AVL9: variants seen among roughly 807,000 people sequenced by gnomAD.
The protein encoded by AVL9 is late secretory pathway protein AVL9 homolog.
Under a neutral mutation model 79.2 loss-of-function variants are expected in AVL9, and 49 were observed. That is an observed-to-expected ratio of 0.62 (90% CI 0.49 to 0.79). The LOEUF (loss-of-function observed/expected upper bound fraction) is 0.79. Among genes scored for constraint, AVL9 ranks in the 30% least tolerant of loss-of-function variants. The probability of loss-of-function intolerance (pLI) is 0.00; values close to 1 mark genes in which losing one functional copy is unlikely to be tolerated. For synonymous variants in AVL9, 299 were observed against 280.6 expected, an observed-to-expected ratio of 1.07 and a Z score of -0.65; for missense variants, 682 against 776.8, an observed-to-expected ratio of 0.88 and a Z score of 1.45.
At chr7:32,579,793 T>C (rs1469227618) in intron 13 of AVL9, among the ~76,000 whole-genome samples, 1 of 149,128 alleles carries the variant, frequency 6.7e-6, no homozygotes, top group Non-Finnish European at 1.5e-5. Flanking sequence ...GCATAACCAA[T>C]AGCACACATT....
chr7:32,546,091 T>C (rs2128135566), intron 3 of AVL9, among the ~76,000 whole-genome samples: 1 of 121,028 alleles, frequency 8.3e-6, no homozygotes, highest in East Asian at 2.7e-4. Context: ...TTTAAATATC[T>C]GTACCTAGCT....
intron 1 of AVL9, among the ~76,000 whole-genome samples, chr7:32,540,871 C>CTTTTTT (rs749306635): frequency 1.1e-4 from 8 of 72,470 alleles, no homozygotes; most frequent in South Asian, 4.4e-4. Flanking sequence ...TGTTGTACTA[C>CTTTTTT]TTTTTTTTTT....
intron 13 of AVL9, among the ~76,000 whole-genome samples, chr7:32,578,068 T>C (rs1791180075): frequency 6.6e-6 from 1 of 152,052 alleles, no homozygotes; most frequent in Non-Finnish European, 1.5e-5. Flanking sequence ...CATCTTCAGG[T>C]TACAGAAAGA....
intron 1 of AVL9, among the ~76,000 whole-genome samples, chr7:32,527,042 A>AGGGC (rs202111922): frequency 0.012 from 1,848 of 152,266 alleles, 42 homozygotes; most frequent in African/African-American, 0.04. Flanking sequence ...AGGGCCAAGG[A>AGGGC]CTATCACAGG....
At chr7:32,558,666 A>G (rs1442138897) in intron 9 of AVL9, 38 bp downstream of exon 9, 1 of 1,495,792 alleles carries the variant, frequency 6.7e-7, no homozygotes, top group Non-Finnish European at 9.2e-7. Context: ...CTTTTGTTTA[A>G]CTTGTACTGG....
chr7:32,522,640 G>A (rs903251858), intron 1 of AVL9, among the ~76,000 whole-genome samples: 1 of 152,148 alleles, frequency 6.6e-6, no homozygotes, highest in Non-Finnish European at 1.5e-5. Context: ...TTAGGTTAAT[G>A]CTGAAATGAG....
At chr7:32,570,833 C>T (rs1214261599) in intron 11 of AVL9, among the ~76,000 whole-genome samples, 1 of 149,156 alleles carries the variant, frequency 6.7e-6, no homozygotes, top group East Asian at 2.1e-4. Flanking sequence ...GTTGGCCAGG[C>T]TGGTCTCGAA....
At chr7:32,517,406 A>G (rs1787951301) in intron 1 of AVL9, among the ~76,000 whole-genome samples, 1 of 151,714 alleles carries the variant, frequency 6.6e-6, no homozygotes, top group Admixed American at 6.6e-5. Flanking sequence ...CCTGAGTTCA[A>G]GCGATTCTCC....
At chr7:32,565,298 G>A (rs1413816321) in intron 10 of AVL9, among the ~76,000 whole-genome samples, 3 of 152,160 alleles carry the variant, frequency 2.0e-5, no homozygotes, top group Non-Finnish European at 2.9e-5. Context: ...GGTGGCTCAC[G>A]CCTGTAATCC....
chr7:32,575,685 G>A (rs1236678115), intron 12 of AVL9, among the ~76,000 whole-genome samples: 1 of 152,120 alleles, frequency 6.6e-6, no homozygotes, highest in East Asian at 1.9e-4. Context: ...GGAGTTGTAA[G>A]GAACCTTGGA....
chr7:32,546,083 T>TTTTTTTTTTTTA lies in AVL9; in HGVS notation c.300+1304_300+1305insTTTTTTTTTTTA, dbSNP rs1554340432. Among the ~76,000 whole-genome samples, 599 of 144,776 alleles carry TTTTTTTTTTTTA rather than the reference T, an allele frequency of 4.1e-3. 9 individuals carry two copies. The highest frequency in any genetic ancestry group is 0.014 in the African/African-American group (551 of 39,332). 95.0% of individuals were successfully genotyped at this position (144,776 alleles called of 152,430 possible). ...TTACCTGGAGACTTTTTTTTTTTTT[T>TTTTTTTTTTTTA]AAATATCTGTACCTAGCTTTTCCTC... On this transcript the variant is annotated intron_variant, in intron 3 of 15. Transcript: ENST00000318709.
At position 32,585,697 on chromosome 7, in the gene AVL9, C is replaced by G. The variant is rs1237362423; in HGVS notation, c.*1790C>G. ...CTCTAAATTTTCCACTTTGTGTTTT[C>G]TAAACACAAATTGTATTACTCATTT... On this transcript the variant is annotated 3_prime_UTR_variant, in exon 16 of 16. Coordinates refer to ENST00000318709, the MANE Select transcript of AVL9 (RefSeq NM_015060.3). 2 of 152,088 alleles carry G rather than the reference C, an allele frequency of 1.3e-5. No homozygotes were observed. The highest frequency in any genetic ancestry group is 2.9e-5 in the Non-Finnish European group (2 of 67,986). 9.4% of individuals were successfully genotyped at this position (152,088 alleles called of 1,614,324 possible).
intron 1 of AVL9, chr7:32,538,366 A>T (rs1789012360): frequency 6.6e-6 from 1 of 152,196 alleles, no homozygotes; most frequent in African/African-American, 2.4e-5. Context: ...ATATCCATTT[A>T]AAAATAATTA....
intron 15 of AVL9, among the ~76,000 whole-genome samples, chr7:32,582,880 T>C (rs1355090610): frequency 1.3e-5 from 2 of 152,144 alleles, no homozygotes; most frequent in African/African-American, 4.8e-5. Context: ...AAAGAGGGTT[T>C]CGCCATGTTT....
intron 1 of AVL9, among the ~76,000 whole-genome samples, chr7:32,510,859 T>C (rs1787638437): frequency 7.5e-6 from 1 of 133,062 alleles, no homozygotes; most frequent in Non-Finnish European, 1.6e-5. Flanking sequence ...TCATGAGCCA[T>C]CAGGTCTCGT....
At chr7:32,530,432 G>T (rs1332070569) in intron 1 of AVL9, among the ~76,000 whole-genome samples, 1 of 152,256 alleles carries the variant, frequency 6.6e-6, no homozygotes, top group African/African-American at 2.4e-5. Context: ...GGGCATTTCT[G>T]ATTTTCTAAG....
At chr7:32,519,421 C>G (rs1315519587) in intron 1 of AVL9, among the ~76,000 whole-genome samples, 1 of 140,340 alleles carries the variant, frequency 7.1e-6, no homozygotes, top group East Asian at 2.0e-4. Context: ...GAGCGAGACT[C>G]TGTCCCAAAA....
In AVL9 at chr7:32,587,414, A is replaced by G. The variant is rs1791847064; in HGVS notation, c.*3507A>G. 1 of 152,208 alleles carries G rather than the reference A, an allele frequency of 6.6e-6. No individual in the cohort carries two copies. The highest frequency in any genetic ancestry group is 1.5e-5 in the Non-Finnish European group (1 of 68,036). The allele number at this position is 152,208 out of a possible 1,614,324, so 9.4% of individuals were successfully genotyped here. A position where few individuals can be genotyped will look rare whatever the true frequency, so the allele number is the denominator to read the frequency against. On this transcript the variant is annotated 3_prime_UTR_variant, in exon 16 of 16. Transcript: ENST00000318709. ...TACATTTTGTGAAAAAAAGTTTTGTAGAAGTTACAGCTAGTGGTCTTTTCC... is the reference window on the plus strand; with the variant it reads ...TACATTTTGTGAAAAAAAGTTTTGTGGAAGTTACAGCTAGTGGTCTTTTCC...
At chr7:32,562,403 CTTATA>C (rs1303206213) in intron 10 of AVL9, among the ~76,000 whole-genome samples, 2 of 152,218 alleles carry the variant, frequency 1.3e-5, no homozygotes, top group Admixed American at 6.5e-5. Context: ...ATTAACTGTA[CTTATA>C]TTAGTAAACT....
Sources: allele counts gnomAD v4.1 joint callset (sites outside exome capture counted in the v4.1 genomes callset), GRCh38; gene constraint gnomAD v4.1.1; transcripts MANE v1.5; gene names NCBI Gene and HGNC (gene_info 2026-07-23, HGNC 2026-07-21).